CENPE: variants seen among roughly 807,000 people sequenced by gnomAD.
The protein encoded by CENPE is centromere protein E, also known as centromere-associated protein E.
A neutral mutation model predicts 336.1 loss-of-function variants in CENPE; 145 were observed. The ratio of observed to expected loss-of-function variants is 0.43; its 90% confidence interval spans 0.38 to 0.50. CENPE has a LOEUF of 0.50. Ranked by LOEUF, CENPE falls within the 20% of genes least tolerant of loss-of-function variation. The pLI is 0.00. For synonymous variants in CENPE, 1,013 were observed against 984.8 expected (o/e 1.03, Z -0.54); for missense variants, 2,719 against 3,023.3 (o/e 0.90, Z 2.36).
Position 103,108,831 on chromosome 4 carries a change from A to G in CENPE, c.7983T>C (p.Phe2661=), listed in dbSNP as rs143781735. 35 of 1,613,772 alleles carry G rather than the reference A, an allele frequency of 2.2e-5. No individual in the cohort carries two copies. The African/African-American group carries it at 3.9e-4, about 18-fold the overall frequency. ...SLPSPHPVRY[F]DNSSLGLCPE... Reference sequence around the variant, plus strand: ...GACAAAGGCCTAAACTTGAGTTATCAAAATAGCGAACTGGATGAGGTGATG... The same window carrying G: ...GACAAAGGCCTAAACTTGAGTTATCGAAATAGCGAACTGGATGAGGTGATG... Residue 2661 remains phenylalanine (F), a synonymous_variant, in exon 48 of 49, where the codon TTT becomes TTC. Transcript: ENST00000265148.
intron 16 of CENPE, among the ~76,000 whole-genome samples, chr4:103,165,938 T>A (rs538980900): frequency 1.3e-5 from 2 of 151,876 alleles, no homozygotes; most frequent in African/African-American, 4.8e-5. Flanking sequence ...GTAGGATTCT[T>A]CCTCCTCAAC....
At chr4:103,185,976 T>C (rs1313244093) in intron 8 of CENPE, 115 bp from the exon 9 acceptor site, 9 of 614,752 alleles carry the variant, frequency 1.5e-5, no homozygotes, top group Non-Finnish European at 2.3e-5. Flanking sequence ...TCTGTATCCA[T>C]GTCTCCCATG....
At chr4:103,113,227 T>C (rs1749729166) in intron 46 of CENPE, among the ~76,000 whole-genome samples, 2 of 139,840 alleles carry the variant, frequency 1.4e-5, no homozygotes, top group South Asian at 4.4e-4. Context: ...CTTTTAAGTA[T>C]ATGTGTATAT....
intron 28 of CENPE, 50 bp from the exon 29 acceptor site, chr4:103,147,696 T>G: frequency 6.6e-7 from 1 of 1,520,906 alleles, no homozygotes; most frequent in East Asian, 2.3e-5. Flanking sequence ...ATTATGATCA[T>G]AATTTTTTTT....
chr4:103,176,827 C>T (rs1755909682), intron 14 of CENPE, 72 bp downstream of exon 14: 1 of 1,109,234 alleles, frequency 9.0e-7, no homozygotes, highest in Non-Finnish European at 1.3e-6. Context: ...ATTAACTGAG[C>T]TATAAACATA....
intron 28 of CENPE, 111 bp from the exon 29 acceptor site, chr4:103,147,757 A>ATG: frequency 7.9e-6 from 7 of 883,722 alleles, no homozygotes; most frequent in Non-Finnish European, 1.2e-5. Flanking sequence ...GCAGTGGCGC[A>ATG]ATCTCAGTTC....
rs1756232694 is a variant in CENPE at position 103,180,452 on chromosome 4, C to T, written c.1101G>A (p.Arg367=). The T allele has an allele frequency of 6.2e-7, 1 of 1,610,652 alleles. No homozygotes were observed. Among genetic ancestry groups the T allele is most frequent in the Non-Finnish European group, 8.5e-7 (1 of 1,178,088 alleles). Residue 367 remains arginine (R), a synonymous_variant, in exon 13 of 49, where the codon CGG becomes CGA. Coordinates refer to ENST00000265148, the MANE Select transcript of CENPE (RefSeq NM_001813.3). ...KQLEEVSLET[R]AQAMEKDQLA... ...ATTGGTCTTTTTCCATTGCCTGAGC[C>T]CGCGTCTCTAAAGAAACCTATAGAA...
chr4:103,196,674 A>G (rs1161374154), intron 2 of CENPE, 85 bp downstream of exon 2: 7 of 688,982 alleles, frequency 1.0e-5, no homozygotes, highest in Non-Finnish European at 1.3e-5. Context: ...ATCTTTAGTG[A>G]CAAATCTAAT....
At chr4:103,108,505 G>C (rs1560582746) in intron 48 of CENPE, among the ~76,000 whole-genome samples, 1 of 152,120 alleles carries the variant, frequency 6.6e-6, no homozygotes, top group South Asian at 2.1e-4. Context: ...TTCAGTAAAA[G>C]TTGCTTTTTA....
intron 16 of CENPE, 115 bp from the exon 17 acceptor site, chr4:103,163,668 C>G (rs2125982673): frequency 2.0e-6 from 1 of 492,424 alleles, no homozygotes; most frequent in East Asian, 3.4e-5. Flanking sequence ...TTCAGAATCA[C>G]CCAACAGTTA....
chr4:103,147,568 G>A lies in CENPE; in HGVS notation c.3922C>T (p.Leu1308=), dbSNP rs1753162041. ...VSETQETMNE[L]ELLTEQSTTK... is the part of the protein sequence containing the mutation. The stretch of plus-strand genomic sequence containing the variant: ...GTGGACTGTTCTGTTAATAACTCCA[G>A]TTCATTCATTGTTTCCTGAGTCTCA... Residue 1308 remains leucine, a synonymous_variant, in exon 29 of 49, where the codon CTG becomes TTG. Transcript: ENST00000265148. 1 of 1,613,742 alleles carries A rather than the reference G, an allele frequency of 6.2e-7. No individual in the cohort carries two copies. Among genetic ancestry groups the A allele is most frequent in the African/African-American group, 1.3e-5 (1 of 74,896 alleles).
At chr4:103,150,962 A>C (rs757877146) in intron 26 of CENPE, among the ~76,000 whole-genome samples, 14 of 152,232 alleles carry the variant, frequency 9.2e-5, no homozygotes, top group Non-Finnish European at 1.8e-4. Context: ...TAAATATTTG[A>C]TGAATGAATA....
rs188463850 is a variant in CENPE, at chr4:103,110,159, C to T, written c.7724+669G>A. On this transcript the variant is annotated intron_variant, in intron 47 of 48. Coordinates refer to ENST00000265148, the MANE Select transcript of CENPE (RefSeq NM_001813.3). ...CAGATCACTGAAATAAAGTGAATCG[C>T]GGAAATCTTTTGGGTTCCCAGTGTG... Among the ~76,000 whole-genome samples, 1,046 of 152,142 alleles carry T rather than the reference C, an allele frequency of 6.9e-3. 12 individuals carry two copies. Among genetic ancestry groups the T allele is most frequent in the Non-Finnish European group, 8.7e-3 (594 of 68,010 alleles).
rs2465241 is a variant in CENPE, at chr4:103,124,171, G to A, written c.6925-1082C>T. On this transcript the variant is annotated intron_variant, in intron 42 of 48. Transcript: ENST00000265148. ...ATCCATGGCATCCCCTCGGGGGTGG[G>A]GGGTCTTGATATACATATTTTAAAA... Among the ~76,000 whole-genome samples the A allele has an allele frequency of 6.0e-4, 92 of 152,160 alleles. No individual in the cohort carries two copies. The East Asian group carries it at 0.011, about 18-fold the overall frequency.
chr4:103,173,749 AAAG>A (rs1378348467), intron 16 of CENPE, among the ~76,000 whole-genome samples: 2 of 151,980 alleles, frequency 1.3e-5, no homozygotes, highest in Non-Finnish European at 2.9e-5. Context: ...ACGTTTCTCA[AAAG>A]AAGACATACA....
intron 45 of CENPE, 43 bp from the exon 46 acceptor site, chr4:103,114,595 T>C: frequency 8.1e-7 from 1 of 1,230,010 alleles, no homozygotes; most frequent in Non-Finnish European, 1.2e-6. Context: ...CAGCAACTGA[T>C]TTTTTACAGG....
intron 9 of CENPE, among the ~76,000 whole-genome samples, chr4:103,183,793 G>GT (rs141665338): frequency 1.3e-5 from 2 of 151,838 alleles, no homozygotes; most frequent in Non-Finnish European, 2.9e-5. Flanking sequence ...ACTGTTATTA[G>GT]TTTTTTTCTT....
At chr4:103,159,756 G>A (rs913002989) in intron 21 of CENPE, among the ~76,000 whole-genome samples, 5 of 151,510 alleles carry the variant, frequency 3.3e-5, no homozygotes, top group Non-Finnish European at 7.4e-5. Context: ...ATTTAAAATT[G>A]TTATTTAAGA....
intron 8 of CENPE, among the ~76,000 whole-genome samples, chr4:103,192,878 G>A (rs1294232245): frequency 6.6e-6 from 1 of 151,318 alleles, no homozygotes; most frequent in African/African-American, 2.4e-5. Context: ...TTGAGAGCAA[G>A]AACTTGAGTA....
Sources: gnomAD v4.1 joint callset for allele counts (sites outside exome capture counted in the v4.1 genomes callset) on GRCh38, gnomAD v4.1.1 for gene constraint, MANE v1.5 for transcripts, NCBI Gene and HGNC (gene_info 2026-07-23, HGNC 2026-07-21) for gene names.